DST: variants seen among roughly 807,000 people sequenced by gnomAD.
DST encodes bullous pemphigoid antigen.
DST carries 253 observed loss-of-function variants against 875.2 expected under a neutral mutation model. The observed-to-expected ratio is 0.29, with a 90% CI of 0.26 to 0.32. The LOEUF (loss-of-function observed/expected upper bound fraction) is 0.32. Among genes scored for constraint, DST ranks in the 10% least tolerant of loss-of-function variants. DST has a pLI of 1.00. For missense variants in DST, 8,287 were observed against 9,111.6 expected (o/e 0.91, Z 3.68); for synonymous variants, 3,124 against 3,197.1 (o/e 0.98, Z 0.77).
At chr6:56,926,649 G>C (rs551845465) in intron 2 of DST, among the ~76,000 whole-genome samples, 2 of 152,268 alleles carry the variant, frequency 1.3e-5, no homozygotes, top group African/African-American at 2.4e-5. Flanking sequence ...CACAATAACA[G>C]GTGTTATTCC....
At chr6:56,504,120 GTGT>G in intron 77 of DST, 22 bp from the exon 78 acceptor site, 1 of 1,535,982 alleles carries the variant, frequency 6.5e-7, no homozygotes, top group Non-Finnish European at 9.0e-7. Context: ...ATTCGCCCAC[GTGT>G]TGTTACAACA....
At chr6:56,751,526 T>A (rs1400859593) in intron 4 of DST, among the ~76,000 whole-genome samples, 1 of 152,242 alleles carries the variant, frequency 6.6e-6, no homozygotes, top group African/African-American at 2.4e-5. Context: ...CAATACTTTT[T>A]AAAATGTGTG....
intron 81 of DST, 71 bp downstream of exon 81, chr6:56,497,785 T>C: frequency 7.4e-7 from 1 of 1,343,896 alleles, no homozygotes; most frequent in Non-Finnish European, 1.0e-6. Context: ...GTCTGTGAAC[T>C]AATAAAAGAA....
chr6:56,708,917 C>T (rs1007845529), intron 5 of DST, among the ~76,000 whole-genome samples: 3 of 152,142 alleles, frequency 2.0e-5, no homozygotes, highest in African/African-American at 7.2e-5. Flanking sequence ...CTATACTAAC[C>T]GCCAATATCC....
intron 75 of DST, among the ~76,000 whole-genome samples, chr6:56,507,498 T>G (rs190889395): frequency 6.6e-6 from 1 of 152,312 alleles, no homozygotes; most frequent in Non-Finnish European, 1.5e-5. Flanking sequence ...AATAAAGTAT[T>G]ACGGGAACAC....
chr6:56,537,937 A>G (rs2152526254), intron 61 of DST, among the ~76,000 whole-genome samples: 2 of 152,284 alleles, frequency 1.3e-5, no homozygotes, highest in South Asian at 4.1e-4. Flanking sequence ...TCTTAGGTGG[A>G]TGACTTCAAC....
intron 20 of DST, 22 bp from the exon 21 acceptor site, chr6:56,639,633 T>C (rs1297679051): frequency 6.2e-7 from 1 of 1,613,504 alleles, no homozygotes; most frequent in Non-Finnish European, 8.5e-7. Flanking sequence ...AAAATCATCA[T>C]AAGAATCATG....
chr6:56,629,199 C>A (rs115933843), intron 32 of DST, 51 bp downstream of exon 32: 2 of 1,573,338 alleles, frequency 1.3e-6, no homozygotes, highest in Non-Finnish European at 1.7e-6. Flanking sequence ...ACTCATTTAC[C>A]ATAGATAGAC....
intron 82 of DST, among the ~76,000 whole-genome samples, 187 bp downstream of exon 82, chr6:56,497,192 T>G (rs183855934): frequency 3.3e-5 from 5 of 151,872 alleles, no homozygotes; most frequent in Middle Eastern, 3.4e-3. Context: ...AAGAAAGAAA[T>G]AAAGAATGGG....
intron 69 of DST, 126 bp from the exon 70 acceptor site, chr6:56,517,746 T>C: frequency 2.6e-6 from 3 of 1,147,246 alleles, no homozygotes; most frequent in South Asian, 3.6e-5. Context: ...CCTCATGGCA[T>C]CCTAAAATAA....
chr6:56,620,890 A>AG (rs1415987993), intron 36 of DST, among the ~76,000 whole-genome samples: 1 of 152,160 alleles, frequency 6.6e-6, no homozygotes, highest in Non-Finnish European at 1.5e-5. Context: ...GAAAGTCAGC[A>AG]GAAGAGGACA....
chr6:56,794,935 G>GT (rs1284870923), intron 4 of DST, among the ~76,000 whole-genome samples: 1 of 152,108 alleles, frequency 6.6e-6, no homozygotes, highest in African/African-American at 2.4e-5. Flanking sequence ...AGATCCTATG[G>GT]TAAAGGCTAA....
chr6:56,543,576 T>C (rs1420067914), intron 61 of DST, among the ~76,000 whole-genome samples: 1 of 152,238 alleles, frequency 6.6e-6, no homozygotes, highest in Non-Finnish European at 1.5e-5. Flanking sequence ...TTAGTCTTTG[T>C]AGGAAATTTA....
At position 56,529,566 on chromosome 6, in the gene DST, A is replaced by G. The variant is rs771711682; in HGVS notation, c.17477T>C (p.Phe5826Ser). 8.1e-6 allele frequency: 13 copies of G among 1,613,694 alleles called. No homozygotes were observed. The highest frequency in any genetic ancestry group is 1.6e-4 in the Middle Eastern group (1 of 6,082). Residue 5826 changes from phenylalanine to serine, a missense_variant, in exon 66 of 104, where the codon TTT becomes TCT. Physicochemically the swap from Phe to Ser is radical, Grantham distance 155. Around this residue, in one of 10 missense-constraint regions of DST, gnomAD observed 777 missense variants for 764.8 expected, o/e 1.02. Transcript: ENST00000680361. ...CATCAGTTCAACTTCATCTTCCCCA[A>G]AAATCTTAGCATTACATAAGGCCTG... ...LQQALCNAKI[F>S]GEDEVELMNW... is the part of the protein sequence containing the mutation.
At position 56,561,412 on chromosome 6, in the gene DST, T is replaced by C. The variant is rs2097534327; in HGVS notation, c.14206A>G (p.Met4736Val). ...LQKAQEESSA[M>V]MQWLQKMNKT... ...TTCATTTTCTGTAACCACTGCATCA[T>C]TGCACTTGATTCTTCCTGAGCCTTT... The change falls in exon 57 of 104, where the codon ATG becomes GTG. Residue 4736 changes from methionine to valine, a missense_variant. By Grantham distance (21) the Met-to-Val change is conservative. Around this residue, in one of 10 missense-constraint regions of DST, gnomAD observed 1,513 missense variants for 1,677.8 expected, o/e 0.90. Transcript: ENST00000680361. 4.3e-6 allele frequency: 7 copies of C among 1,613,808 alleles called. No individual in the cohort carries two copies. The highest frequency in any genetic ancestry group is 3.3e-5 in the South Asian group (3 of 91,072).
intron 4 of DST, among the ~76,000 whole-genome samples, chr6:56,790,261 T>C (rs2099716397): frequency 6.6e-6 from 1 of 152,194 alleles, no homozygotes; most frequent in Non-Finnish European, 1.5e-5. Context: ...TCTACTATGA[T>C]AGATAGTAAG....
intron 17 of DST, 25 bp from the exon 18 acceptor site, chr6:56,640,630 A>C (rs1302600164): frequency 6.4e-7 from 1 of 1,572,458 alleles, no homozygotes; most frequent in South Asian, 1.1e-5. Context: ...CAAAGGGATA[A>C]GGTGAAATAT....
At chr6:56,840,608 A>G (rs1022254632) in intron 4 of DST, among the ~76,000 whole-genome samples, 4 of 152,210 alleles carry the variant, frequency 2.6e-5, no homozygotes, top group African/African-American at 9.6e-5. Context: ...TTCAGCAAAC[A>G]GTTGCCTATT....
chr6:56,647,934 TC>T (rs1228558000), intron 13 of DST, among the ~76,000 whole-genome samples: 3 of 152,026 alleles, frequency 2.0e-5, no homozygotes, highest in Non-Finnish European at 4.4e-5. Flanking sequence ...GATCCACCCA[TC>T]TTGGCCTCCC....
Sources: allele counts gnomAD v4.1 joint callset (sites outside exome capture counted in the v4.1 genomes callset), GRCh38; gene constraint gnomAD v4.1.1; regional missense constraint gnomAD v4.1.1; transcripts MANE v1.5; gene names NCBI Gene and HGNC (gene_info 2026-07-23, HGNC 2026-07-21).